Variants in BMPR1B observed in about 807,000 individuals in gnomAD.
The protein encoded by BMPR1B is bone morphogenetic protein receptor type-1B.
Under a neutral mutation model 59.1 loss-of-function variants are expected in BMPR1B, and 12 were observed. The observed-to-expected ratio is 0.20, with a 90% CI of 0.13 to 0.33. The LOEUF (loss-of-function observed/expected upper bound fraction) is 0.33, where lower values mean the gene tolerates loss of function less well. Ranked by LOEUF, BMPR1B falls within the 10% of genes least tolerant of loss-of-function variation. The pLI, the probability that BMPR1B is intolerant of heterozygous loss-of-function variation, is 1.00. For missense variants in BMPR1B, 550 were observed against 610.9 expected, an observed-to-expected ratio of 0.90 and a Z score of 1.05; for synonymous variants, 237 against 207.3, an observed-to-expected ratio of 1.14 and a Z score of -1.23.
At chr4:95,100,184 C>T (rs1730718924) in intron 3 of BMPR1B, among the ~76,000 whole-genome samples, 1 of 152,056 alleles carries the variant, frequency 6.6e-6, no homozygotes, top group Admixed American at 6.6e-5. Flanking sequence ...GTACCTATTC[C>T]ATCTTTTTTC....
intron 1 of BMPR1B, among the ~76,000 whole-genome samples, chr4:94,800,371 C>G (rs1030780823): frequency 3.3e-5 from 5 of 151,382 alleles, no homozygotes; most frequent in Admixed American, 2.0e-4. Context: ...GGTAAATTGC[C>G]AAGTGTAGAA....
chr4:95,046,012 A>C (rs1726033325), intron 3 of BMPR1B, among the ~76,000 whole-genome samples: 1 of 152,224 alleles, frequency 6.6e-6, no homozygotes, highest in Non-Finnish European at 1.5e-5. Context: ...AAATGCATGA[A>C]TATTTAATGA....
intron 3 of BMPR1B, among the ~76,000 whole-genome samples, chr4:95,032,627 G>A (rs1724953803): frequency 6.6e-6 from 1 of 152,088 alleles, no homozygotes; most frequent in South Asian, 2.1e-4. Flanking sequence ...AATCTTTAAT[G>A]TTTTTGCTAC....
intron 1 of BMPR1B, among the ~76,000 whole-genome samples, chr4:94,808,680 T>C: frequency 6.6e-6 from 1 of 152,208 alleles, no homozygotes; most frequent in South Asian, 2.1e-4. Flanking sequence ...TTGTCAACAC[T>C]AGCTTGGTAT....
chr4:94,891,435 T>G (rs1477639270), intron 2 of BMPR1B, among the ~76,000 whole-genome samples: 1 of 152,112 alleles, frequency 6.6e-6, no homozygotes, highest in Non-Finnish European at 1.5e-5. Flanking sequence ...CATGTAAAAT[T>G]AAGACTTTGA....
intron 2 of BMPR1B, among the ~76,000 whole-genome samples, chr4:94,894,698 A>G (rs17429175): frequency 0.11 from 16,955 of 151,984 alleles, 995 homozygotes; most frequent in Non-Finnish European, 0.14. Context: ...TCATTTTTCT[A>G]AAAGGGAATT....
chr4:94,766,519 C>G (rs1721973912), intron 1 of BMPR1B, among the ~76,000 whole-genome samples: 2 of 151,366 alleles, frequency 1.3e-5, no homozygotes, highest in South Asian at 2.1e-4. Flanking sequence ...TATACTGGGC[C>G]TCTGCAGGTC....
chr4:95,092,721 T>A (rs537083622), intron 3 of BMPR1B, among the ~76,000 whole-genome samples: 10 of 152,086 alleles, frequency 6.6e-5, no homozygotes, highest in Non-Finnish European at 1.3e-4. Flanking sequence ...CCAGGTTTTT[T>A]CTTTGGGGAA....
chr4:95,105,039 C>T (rs1054354474), intron 4 of BMPR1B, among the ~76,000 whole-genome samples: 17 of 152,124 alleles, frequency 1.1e-4, no homozygotes, highest in African/African-American at 3.6e-4. Context: ...AGAGCTCATG[C>T]GATTCCCCAA....
intron 1 of BMPR1B, among the ~76,000 whole-genome samples, chr4:94,854,680 C>T (rs1457130870): frequency 6.6e-6 from 1 of 152,082 alleles, no homozygotes; most frequent in Admixed American, 6.6e-5. Flanking sequence ...TTGAGGGACC[C>T]ATGAAAACTC....
At chr4:95,034,479 G>A (rs1725089702) in intron 3 of BMPR1B, among the ~76,000 whole-genome samples, 1 of 151,560 alleles carries the variant, frequency 6.6e-6, no homozygotes, top group African/African-American at 2.4e-5. Context: ...TCATTCTTCT[G>A]CCTTTGCATC....
At chr4:94,904,610 A>G (rs1360962593) in intron 2 of BMPR1B, among the ~76,000 whole-genome samples, 1 of 152,078 alleles carries the variant, frequency 6.6e-6, no homozygotes, top group African/African-American at 2.4e-5. Context: ...TCAGTTGTGA[A>G]ACATTCTTTT....
At chr4:95,130,185 C>A in intron 9 of BMPR1B, 131 bp downstream of exon 9, 1 of 1,070,138 alleles carries the variant, frequency 9.3e-7, no homozygotes, top group Non-Finnish European at 1.4e-6. Context: ...TTGGCATGGG[C>A]CCAAGAACAT....
chr4:94,829,525 A>C (rs1393210347), intron 1 of BMPR1B, among the ~76,000 whole-genome samples: 1 of 152,066 alleles, frequency 6.6e-6, no homozygotes, highest in African/African-American at 2.4e-5. Flanking sequence ...TCAGCCTCCC[A>C]AGGTGCCAGG....
At chr4:95,046,511 CAG>C (rs1553930955) in intron 3 of BMPR1B, among the ~76,000 whole-genome samples, 2 of 152,094 alleles carry the variant, frequency 1.3e-5, no homozygotes, top group Admixed American at 6.5e-5. Context: ...AATGAGCAAA[CAG>C]AGAGTTTAAA....
chr4:94,809,426 G>A (rs984076169), intron 1 of BMPR1B, among the ~76,000 whole-genome samples: 48 of 152,110 alleles, frequency 3.2e-4, no homozygotes, highest in Non-Finnish European at 6.2e-4. Context: ...TAGAAACAAG[G>A]TTACTATTAC....
chr4:94,881,565 A>C (rs1349230918), intron 2 of BMPR1B, among the ~76,000 whole-genome samples: 2 of 151,872 alleles, frequency 1.3e-5, no homozygotes, highest in Non-Finnish European at 2.9e-5. Context: ...TCCCAGGTTC[A>C]AGTGATTCTC....
chr4:94,918,132 T>G (rs1012865057), intron 2 of BMPR1B, among the ~76,000 whole-genome samples: 4 of 152,122 alleles, frequency 2.6e-5, no homozygotes, highest in African/African-American at 7.2e-5. Context: ...TAAATCTCTT[T>G]TTTTAGTATT....
At chr4:95,031,736 G>A (rs1018335231) in intron 3 of BMPR1B, among the ~76,000 whole-genome samples, 6 of 152,086 alleles carry the variant, frequency 3.9e-5, no homozygotes, top group Admixed American at 3.3e-4. Flanking sequence ...TGGAAATCCA[G>A]GTTGAACAAA....
Sources: gnomAD v4.1 joint callset for allele counts (sites outside exome capture counted in the v4.1 genomes callset) on GRCh38, gnomAD v4.1.1 for gene constraint, MANE v1.5 for transcripts, NCBI Gene and HGNC (gene_info 2026-07-23, HGNC 2026-07-21) for gene names.